The following RTN4 variants were observed in gnomAD, a reference collection of about 807,000 sequenced individuals.
The protein encoded by RTN4 is reticulon-4.
A neutral mutation model predicts 90.4 loss-of-function variants in RTN4; 32 were observed. That is an observed-to-expected ratio of 0.35 (90% CI 0.27 to 0.48). RTN4 has a LOEUF of 0.48. Among genes scored for constraint, RTN4 ranks in the 20% least tolerant of loss-of-function variants. The probability of loss-of-function intolerance (pLI) is 0.99; values close to 1 mark genes in which losing one functional copy is unlikely to be tolerated. For synonymous variants in RTN4, 629 were observed against 552.5 expected (o/e 1.14, Z -1.94); for missense variants, 1,706 against 1,430.2 (o/e 1.19, Z -3.11).
Position 54,991,655 on chromosome 2 carries a change from G to GT in RTN4, c.3014-3958dup, listed in dbSNP as rs560870080. Among the ~76,000 whole-genome samples the GT allele has an allele frequency of 2.6e-5, 4 of 152,190 alleles. No homozygotes were observed. The South Asian group carries it at 8.3e-4, about 32-fold the overall frequency. On this transcript the variant is annotated intron_variant, in intron 3 of 8. Coordinates refer to ENST00000337526, the MANE Select transcript of RTN4 (RefSeq NM_020532.5). ...CTGTCAGTGGATCCAAACCGATGAA[G>GT]TTTTACTACTGGGGCATTATCTGTG...
At chr2:55,039,403 T>C (rs1682909577) in intron 1 of RTN4, among the ~76,000 whole-genome samples, 1 of 152,180 alleles carries the variant, frequency 6.6e-6, no homozygotes. Flanking sequence ...CAAATTGATC[T>C]ATTGTAATAT....
At chr2:54,973,276 AT>A in intron 8 of RTN4, 78 bp from the exon 9 acceptor site, 1 of 1,243,184 alleles carries the variant, frequency 8.0e-7, no homozygotes, top group African/African-American at 1.5e-5. Flanking sequence ...AACTACTTGT[AT>A]GTTATTCAGC....
chr2:55,110,915 C>T (rs1668027059), intron 1 of RTN4, among the ~76,000 whole-genome samples: 1 of 152,006 alleles, frequency 6.6e-6, no homozygotes, highest in African/African-American at 2.4e-5. Context: ...GTGGCACATG[C>T]CTGTAATCCC....
Position 55,087,969 on chromosome 2 carries a change from C to T in RTN4, c.-213-7330G>A, listed in dbSNP as rs140931329. Reference sequence around the variant, plus strand: ...ATATTTGCAAAGAGGAAGAGAGGTTCATTCCCCTTCTCTATTCACATAGAG... The same window carrying T: ...ATATTTGCAAAGAGGAAGAGAGGTTTATTCCCCTTCTCTATTCACATAGAG... On this transcript the variant is annotated intron_variant, in intron 1 of 3. Transcript: ENST00000427710. Among the ~76,000 whole-genome samples the T allele has an allele frequency of 4.9e-4, 75 of 152,364 alleles. 2 individuals carry two copies. The East Asian group carries it at 0.012, about 25-fold the overall frequency.
the RTN4 span, among the ~76,000 whole-genome samples, chr2:55,118,139 T>C: frequency 2.0e-5 from 3 of 152,152 alleles, no homozygotes; most frequent in African/African-American, 4.8e-5. Flanking sequence ...AGCACCGATC[T>C]AGTCTACTCT....
At chr2:55,113,430 C>T (rs1668072062), upstream of RTN4, among the ~76,000 whole-genome samples, 1 of 152,124 alleles carries the variant, frequency 6.6e-6, no homozygotes, top group African/African-American at 2.4e-5. Context: ...TGACTACCTC[C>T]CACTCATTTA....
intron 6 of RTN4, 39 bp downstream of exon 6, chr2:54,974,656 T>C (rs1349883156): frequency 6.9e-7 from 1 of 1,456,938 alleles, no homozygotes; most frequent in Admixed American, 1.7e-5. Context: ...CACACAATCT[T>C]TCCAGCAATT....
At chr2:55,127,624 G>A in the RTN4 span, among the ~76,000 whole-genome samples, 1 of 152,094 alleles carries the variant, frequency 6.6e-6, no homozygotes, top group African/African-American at 2.4e-5. Context: ...CACAAGCTGG[G>A]GTAATTCCCA....
At chr2:55,080,901 C>A (rs2920891) in intron 1 of RTN4, among the ~76,000 whole-genome samples, 99,868 of 152,076 alleles carry the variant, frequency 0.66, 33,672 homozygotes, top group African/African-American at 0.82. Context: ...GTAAAGAATG[C>A]GCAATCTTTA....
intron 1 of RTN4, among the ~76,000 whole-genome samples, chr2:55,088,465 T>C (rs1414876384): frequency 6.6e-6 from 1 of 152,242 alleles, no homozygotes; most frequent in Non-Finnish European, 1.5e-5. Context: ...AAGCCTTCCA[T>C]TTTGTAGTAT....
At chr2:55,063,022 G>C (rs1175359955) in intron 2 of RTN4, among the ~76,000 whole-genome samples, 1 of 152,132 alleles carries the variant, frequency 6.6e-6, no homozygotes, top group Admixed American at 6.6e-5. Context: ...ATAGCTAGAG[G>C]GAAGAAGCCT....
intron 1 of RTN4, among the ~76,000 whole-genome samples, chr2:55,092,005 A>G (rs62136794): frequency 0.31 from 46,727 of 151,830 alleles, 7,435 homozygotes; most frequent in Non-Finnish European, 0.34. Flanking sequence ...GGGAGACACA[A>G]TTCAAGTTGA....
At chr2:54,979,718 C>G (rs1677965132) in intron 5 of RTN4, among the ~76,000 whole-genome samples, 1 of 152,180 alleles carries the variant, frequency 6.6e-6, no homozygotes, top group Non-Finnish European at 1.5e-5. Context: ...CTTTACCTTT[C>G]ATGGGGAGAA....
At chr2:55,047,685 T>TTA (rs1277640532) in intron 1 of RTN4, among the ~76,000 whole-genome samples, 2 of 152,222 alleles carry the variant, frequency 1.3e-5, no homozygotes, top group Non-Finnish European at 2.9e-5. Context: ...TCTTGACCTT[T>TTA]TATACATAAA....
At chr2:54,983,325 A>T (rs1416053344) in intron 4 of RTN4, among the ~76,000 whole-genome samples, 1 of 73,580 alleles carries the variant, frequency 1.4e-5, no homozygotes, top group Non-Finnish European at 3.2e-5. Flanking sequence ...TATTGGTAAT[A>T]AATAAATAAA....
At chr2:55,099,625 A>T (rs1667816587) in intron 1 of RTN4, among the ~76,000 whole-genome samples, 1 of 151,990 alleles carries the variant, frequency 6.6e-6, no homozygotes, top group Admixed American at 6.5e-5. Context: ...CTGACTTTAA[A>T]TTTTTGAATT....
At chr2:55,002,368 T>C (rs1573350723) in intron 3 of RTN4, among the ~76,000 whole-genome samples, 1 of 152,172 alleles carries the variant, frequency 6.6e-6, no homozygotes, top group Non-Finnish European at 1.5e-5. Context: ...CAGTGGTCTT[T>C]TTTTCCTATA....
chr2:55,084,096 G>A (rs1476967989), intron 1 of RTN4, among the ~76,000 whole-genome samples: 1 of 152,124 alleles, frequency 6.6e-6, no homozygotes. Flanking sequence ...AGGAAAGAGG[G>A]ACTGCATTTG....
intron 3 of RTN4, among the ~76,000 whole-genome samples, chr2:55,006,131 C>T (rs1680204371): frequency 6.6e-6 from 1 of 152,122 alleles, no homozygotes; most frequent in African/African-American, 2.4e-5. Context: ...CCTCCCAACA[C>T]ACATTACCCT....
Sources: allele counts gnomAD v4.1 joint callset (sites outside exome capture counted in the v4.1 genomes callset), GRCh38; gene constraint gnomAD v4.1.1; transcripts MANE v1.5; gene names NCBI Gene and HGNC (gene_info 2026-07-23, HGNC 2026-07-21).